Variants in MAPK10 observed in about 807,000 individuals in gnomAD.
MAPK10 encodes the protein JNK3 alpha protein kinase.
In MAPK10, 25 loss-of-function variants were observed where a neutral mutation model predicts 59.3. That is an observed-to-expected ratio of 0.42 (90% CI 0.31 to 0.59). The LOEUF is 0.59. MAPK10 is among the 20% of genes least tolerant of loss of function. MAPK10 has a pLI of 0.15. For synonymous variants in MAPK10, 190 were observed against 200.5 expected, an observed-to-expected ratio of 0.95 and a Z score of 0.44; for missense variants, 351 against 568.9, an observed-to-expected ratio of 0.62 and a Z score of 3.90.
intron 1 of MAPK10, chr4:86,356,317 G>C: frequency 6.5e-6 from 1 of 153,404 alleles, no homozygotes; most frequent in East Asian, 1.9e-4. Context: ...AGTCACCAGA[G>C]ATAAGAACTG....
intron 11 of MAPK10, among the ~76,000 whole-genome samples, chr4:86,060,709 T>C (rs1002484): frequency 0.028 from 4,188 of 152,266 alleles, 188 homozygotes; most frequent in African/African-American, 0.095. Context: ...ATTTGTGGAA[T>C]CTATAATGTG....
intron 1 of MAPK10, among the ~76,000 whole-genome samples, chr4:86,497,025 T>C (rs1754919572): frequency 6.6e-6 from 1 of 152,362 alleles, no homozygotes; most frequent in South Asian, 2.1e-4. Flanking sequence ...TAACTCATTT[T>C]CACATGCTAT....
chr4:86,064,729 G>A (rs143261660), intron 10 of MAPK10: 1 of 218,752 alleles, frequency 4.6e-6, no homozygotes. Flanking sequence ...AGAATAAAGA[G>A]CACAGAGTGC....
intron 13 of MAPK10, chr4:86,025,592 A>G (rs1246512717): frequency 1.5e-5 from 6 of 397,932 alleles, no homozygotes; most frequent in Admixed American, 8.8e-5. Flanking sequence ...TTAAGAGAAA[A>G]CAGTAGAGAT....
intron 3 of MAPK10, among the ~76,000 whole-genome samples, chr4:86,190,943 T>C (rs1010577439): frequency 6.6e-6 from 1 of 152,214 alleles, no homozygotes; most frequent in Non-Finnish European, 1.5e-5. Flanking sequence ...TGGTATATTG[T>C]GTCTTTGTTC....
intron 1 of MAPK10, among the ~76,000 whole-genome samples, chr4:86,470,975 C>T (rs1752606103): frequency 6.6e-6 from 1 of 152,024 alleles, no homozygotes; most frequent in South Asian, 2.1e-4. Flanking sequence ...CATTGTATTG[C>T]TAACGAAGAA....
chr4:86,505,146 C>T (rs1027011276), intron 1 of MAPK10, among the ~76,000 whole-genome samples: 1 of 152,100 alleles, frequency 6.6e-6, no homozygotes, highest in Non-Finnish European at 1.5e-5. Flanking sequence ...GGCTAGCCAA[C>T]AGCACATTCT....
Position 86,395,761 on chromosome 4 carries a change from T to G in MAPK10, c.-121-41117A>C, listed in dbSNP as rs1742823530. Among the ~76,000 whole-genome samples the G allele has an allele frequency of 2.0e-5, 3 of 152,320 alleles. No individual in the cohort carries two copies. The South Asian group carries it at 6.2e-4, about 32-fold the overall frequency. On this transcript the variant is annotated intron_variant, in intron 1 of 13. Transcript: ENST00000361569. ...TACTGGTGAGGGTTCTCTTCCTGGC[T>G]TGCAGAGGGCTGCTTCCCACTGTGT...
intron 11 of MAPK10, among the ~76,000 whole-genome samples, chr4:86,052,074 GTT>G (rs1182777354): frequency 4.0e-5 from 6 of 151,838 alleles, no homozygotes; most frequent in African/African-American, 1.5e-4. Flanking sequence ...ACAAGAAACT[GTT>G]TTTATAATGT....
intron 11 of MAPK10, among the ~76,000 whole-genome samples, chr4:86,049,357 T>G (rs927475421): frequency 1.3e-5 from 2 of 151,956 alleles, no homozygotes; most frequent in African/African-American, 4.8e-5. Flanking sequence ...CTTTTTAATG[T>G]ATTATATACA....
In MAPK10 at chr4:86,014,454, G is replaced by A. The variant is rs1263877310; in HGVS notation, c.*2774C>T. Reference sequence around the variant, plus strand: ...AGACCTAGTGGGCAAAGGACTGGGGGGCTTTTACAGTGGTGATTCTCTTTG... The same window carrying A: ...AGACCTAGTGGGCAAAGGACTGGGGAGCTTTTACAGTGGTGATTCTCTTTG... On this transcript the variant is annotated 3_prime_UTR_variant, in exon 14 of 14. Coordinates refer to ENST00000641462, the MANE Select transcript of MAPK10 (RefSeq NM_138982.4). 2.6e-5 allele frequency: 4 copies of A among 151,832 alleles called. No individual in the cohort carries two copies. Among genetic ancestry groups the A allele is most frequent in the South Asian group, 2.1e-4 (1 of 4,804 alleles). The allele number at this position is 151,832 out of a possible 1,614,324, so 9.4% of individuals were successfully genotyped here. A position where few individuals can be genotyped will look rare whatever the true frequency, so the allele number is the denominator to read the frequency against.
At chr4:86,172,585 G>T (rs1256991727) in intron 3 of MAPK10, among the ~76,000 whole-genome samples, 1 of 149,968 alleles carries the variant, frequency 6.7e-6, no homozygotes, top group East Asian at 2.0e-4. Flanking sequence ...GGGGTGGGGG[G>T]AGTGGGGAGG....
chr4:86,101,267 GT>G (rs2055320125), intron 7 of MAPK10, 50 bp from the exon 8 acceptor site: 1 of 1,452,246 alleles, frequency 6.9e-7, no homozygotes, highest in Non-Finnish European at 9.6e-7. Context: ...CAAGTGAAAT[GT>G]TATTTCCATT....
intron 1 of MAPK10, among the ~76,000 whole-genome samples, chr4:86,532,059 A>G (rs1427398481): frequency 6.8e-6 from 1 of 147,612 alleles, no homozygotes; most frequent in Non-Finnish European, 1.5e-5. Flanking sequence ...ATTATTTTTT[A>G]TATATATTAT....
intron 3 of MAPK10, among the ~76,000 whole-genome samples, chr4:86,188,578 A>T (rs768203727): frequency 4.7e-4 from 71 of 152,022 alleles, no homozygotes; most frequent in Non-Finnish European, 8.7e-4. Context: ...TCATTTGCCC[A>T]TTTTTTGATG....
intron 4 of MAPK10, among the ~76,000 whole-genome samples, chr4:86,121,487 G>T (rs1326322008): frequency 6.6e-6 from 1 of 152,056 alleles, no homozygotes; most frequent in African/African-American, 2.4e-5. Flanking sequence ...AGACACAAAA[G>T]ATACATTTGC....
intron 4 of MAPK10, among the ~76,000 whole-genome samples, chr4:86,156,812 G>T (rs1451926651): frequency 6.6e-6 from 1 of 151,960 alleles, no homozygotes; most frequent in East Asian, 1.9e-4. Context: ...TGTTCTGAAT[G>T]AGTTGCTCTT....
chr4:86,476,509 C>T (rs1047964963), intron 1 of MAPK10, among the ~76,000 whole-genome samples: 1 of 152,162 alleles, frequency 6.6e-6, no homozygotes, highest in Non-Finnish European at 1.5e-5. Flanking sequence ...GTTCATGGCT[C>T]ATTTGGCAGC....
chr4:86,417,500 A>G (rs147113124), intron 1 of MAPK10, among the ~76,000 whole-genome samples: 3 of 152,332 alleles, frequency 2.0e-5, no homozygotes, highest in East Asian at 3.9e-4. Context: ...TAATTATTTA[A>G]CATGTTAAAA....
Sources: allele counts gnomAD v4.1 joint callset (sites outside exome capture counted in the v4.1 genomes callset), GRCh38; gene constraint gnomAD v4.1.1; transcripts MANE v1.5; gene names NCBI Gene and HGNC (gene_info 2026-07-23, HGNC 2026-07-21).